HPX: variants seen among roughly 807,000 people sequenced by gnomAD.
HPX encodes beta-1B-glycoprotein.
Under a neutral mutation model 53.8 loss-of-function variants are expected in HPX, and 42 were observed. The observed-to-expected ratio is 0.78, with a 90% CI of 0.61 to 1.01. HPX has a LOEUF of 1.01. Among genes scored for constraint, HPX ranks in the 50% least tolerant of loss-of-function variants. The pLI, the probability that HPX is intolerant of heterozygous loss-of-function variation, is 0.00. For synonymous variants in HPX, 229 were observed against 221.1 expected (o/e 1.04, Z -0.32); for missense variants, 547 against 594.3 (o/e 0.92, Z 0.83).
chr11:6,439,798 G>T, intron 4 of HPX: 1 of 329,772 alleles, frequency 3.0e-6, no homozygotes, highest in Non-Finnish European at 6.0e-6. Context: ...TGCTCCACAT[G>T]CTCTTCTAGC....
In HPX at chr11:6,431,739, C is replaced by T. The variant is rs142045379; in HGVS notation, c.1031G>A (p.Arg344Gln). Residue 344 changes from arginine (R) to glutamine (Q), a missense_variant, in exon 9 of 10, where the codon CGG (arginine) becomes CAG (glutamine). Transcript: ENST00000265983. ...AGGGGTCCCGACTTCCTTCTCCAGC[C>T]GCTTCGGATAACCGCTTACTAGGGT... ...GYTLVSGYPK[R>Q]LEKEVGTPHG... 25 of 1,614,094 alleles carry T rather than the reference C, an allele frequency of 1.5e-5. No individual in the cohort carries two copies. The highest frequency in any genetic ancestry group is 1.8e-5 in the Non-Finnish European group (21 of 1,180,056).
rs961680374 is a variant in HPX, at chr11:6,431,094, G to A, written c.*117C>T. 1.2e-5 allele frequency: 17 copies of A among 1,362,924 alleles called. No homozygotes were observed. The African/African-American group carries it at 2.5e-4, about 20-fold the overall frequency. The allele number at this position is 1,362,924 out of a possible 1,614,324, so 84.4% of individuals were successfully genotyped here. ...GTCTTTATTATGAGAAACTGGGGAG[G>A]TGGGGCCAGGCCAGACTCATGTCAG... On this transcript the variant is annotated 3_prime_UTR_variant, in exon 10 of 10. Coordinates refer to ENST00000265983, the MANE Select transcript of HPX (RefSeq NM_000613.3).
chr11:6,439,395 T>C (rs916744255), intron 4 of HPX, among the ~76,000 whole-genome samples: 6 of 152,186 alleles, frequency 3.9e-5, no homozygotes, highest in African/African-American at 9.7e-5. Context: ...GGTTGGTTTG[T>C]AAAGAAGATG....
intron 5 of HPX, chr11:6,437,860 G>A: frequency 3.4e-6 from 2 of 593,588 alleles, no homozygotes; most frequent in Non-Finnish European, 6.0e-6. Flanking sequence ...GGGAGAGTCT[G>A]GGAAAACTTC....
chr11:6,436,967 T>A, intron 7 of HPX, 79 bp downstream of exon 7: 1 of 1,475,990 alleles, frequency 6.8e-7, no homozygotes, highest in Non-Finnish European at 9.4e-7. Context: ...GTGATGACAA[T>A]GGAGAAATGT....
At chr11:6,432,111 G>T in intron 7 of HPX, 94 bp from the exon 8 acceptor site, 1 of 1,422,814 alleles carries the variant, frequency 7.0e-7, no homozygotes, top group East Asian at 2.3e-5. Flanking sequence ...ATGAGAGGGA[G>T]AGAATGCATC....
At chr11:6,432,323 T>C (rs1849361913) in intron 7 of HPX, 8 of 407,688 alleles carry the variant, frequency 2.0e-5, no homozygotes, top group Admixed American at 2.0e-4. Context: ...CAGGTGTCCA[T>C]GTACAGAGAT....
At chr11:6,437,296 G>C (rs1849428620) in intron 6 of HPX, 119 bp from the exon 7 acceptor site, 3 of 1,396,316 alleles carry the variant, frequency 2.1e-6, no homozygotes, top group Non-Finnish European at 3.0e-6. Context: ...AGGGCAATGG[G>C]AAAATCCAGA....
At chr11:6,434,669 G>A (rs1355871154) in intron 7 of HPX, among the ~76,000 whole-genome samples, 5 of 152,150 alleles carry the variant, frequency 3.3e-5, no homozygotes, top group Non-Finnish European at 7.3e-5. Context: ...ATGCTGCTTT[G>A]TGCAATGAAG....
At chr11:6,438,550 GA>G (rs773989780) in intron 4 of HPX, 41 bp from the exon 5 acceptor site, 1 of 1,579,346 alleles carries the variant, frequency 6.3e-7, no homozygotes, top group African/African-American at 1.3e-5. Context: ...TGCATCCCCA[GA>G]TACTGCCACT....
intron 6 of HPX, 52 bp downstream of exon 6, chr11:6,437,388 T>C: frequency 6.6e-7 from 1 of 1,524,220 alleles, no homozygotes; most frequent in East Asian, 2.3e-5. Context: ...ATCCACAAGC[T>C]CAGGGAAAGT....
At position 6,431,724 on chromosome 11, in the gene HPX, A is replaced by T. The variant is rs1849351513; in HGVS notation, c.1046T>A (p.Val349Asp). The change falls in exon 9 of 10, where the codon GTC (valine) becomes GAC (aspartate). Residue 349 changes from valine to aspartate, a missense_variant. Transcript: ENST00000265983. ...SGYPKRLEKE[V>D]GTPHGIILDS... ...CAGGATAATCCCATGAGGGGTCCCG[A>T]CTTCCTTCTCCAGCCGCTTCGGATA... 1 of 1,614,034 alleles carries T rather than the reference A, an allele frequency of 6.2e-7. No individual in the cohort carries two copies. Among genetic ancestry groups the T allele is most frequent in the African/African-American group, 1.3e-5 (1 of 74,902 alleles).
At chr11:6,434,001 G>T (rs951228947) in intron 7 of HPX, among the ~76,000 whole-genome samples, 12 of 152,126 alleles carry the variant, frequency 7.9e-5, no homozygotes, top group Non-Finnish European at 1.8e-4. Context: ...CCACTATCCT[G>T]TCTTATTTTC....
rs534210899 is a variant in HPX, at chr11:6,434,069, G to A, written c.836-2052C>T. 8.6e-5 allele frequency among the ~76,000 whole-genome samples: 13 copies of A among 151,616 alleles called. No homozygotes were observed. The South Asian group carries it at 2.5e-3, about 29-fold the overall frequency. On this transcript the variant is annotated intron_variant, in intron 7 of 9. Coordinates refer to ENST00000265983, the MANE Select transcript of HPX (RefSeq NM_000613.3). Reference sequence around the variant, plus strand: ...TCTTTCTTCCTTTCTCTTTCTTATTGTCCTCTCTCACTTTAGCAGAGCCTG... The same window carrying A: ...TCTTTCTTCCTTTCTCTTTCTTATTATCCTCTCTCACTTTAGCAGAGCCTG...
chr11:6,440,550 G>A lies in HPX; in HGVS notation c.143-12C>T. ...ATCTGAGCAGCGTTCTGGGGTGGAG[G>A]TAGGGAGATGGCAAAGTAAAAAAAA... On this transcript the variant is annotated splice_polypyrimidine_tract_variant and intron_variant, in intron 2 of 9. Coordinates refer to ENST00000265983, the MANE Select transcript of HPX (RefSeq NM_000613.3). 1 of 975,676 alleles carries A rather than the reference G, an allele frequency of 1.0e-6. No homozygotes were observed. 60.4% of individuals were successfully genotyped at this position (975,676 alleles called of 1,614,324 possible).
chr11:6,438,114 T>C (rs1039239950), intron 5 of HPX: 11 of 566,198 alleles, frequency 1.9e-5, no homozygotes, highest in African/African-American at 1.9e-4. Context: ...AGATTTGTCC[T>C]AAGGGTCATG....
At chr11:6,435,990 T>C (rs1050674840) in intron 7 of HPX, among the ~76,000 whole-genome samples, 1 of 152,234 alleles carries the variant, frequency 6.6e-6, no homozygotes, top group Non-Finnish European at 1.5e-5. Context: ...TTTCACTTTG[T>C]CTGTGTGTCC....
At position 6,431,182 on chromosome 11, in the gene HPX, G is replaced by C; in HGVS notation, c.*29C>G. On this transcript the variant is annotated 3_prime_UTR_variant, in exon 10 of 10. Transcript: ENST00000265983. ...TTATTATGAGGAACTAGGAGGTGGGGCCAGGCCAGACTCATGTCAGAAGGC... is the reference window on the plus strand; with the variant it reads ...TTATTATGAGGAACTAGGAGGTGGGCCCAGGCCAGACTCATGTCAGAAGGC... The C allele has an allele frequency of 6.2e-7, 1 of 1,612,856 alleles. No individual in the cohort carries two copies. The highest frequency in any genetic ancestry group is 8.5e-7 in the Non-Finnish European group (1 of 1,179,196).
At position 6,431,218 on chromosome 11, in the gene HPX, G is replaced by C; in HGVS notation, c.1382C>G (p.Thr461Ser). 6.2e-7 allele frequency: 1 copy of C among 1,614,240 alleles called. No individual in the cohort carries two copies. ...PQNVTSLLGC[T>S]H ...CTCATGTCAGAAGGCCCCTCAGTGA[G>C]TGCAGCCCAGGAGACTGGTCACATT... The change falls in exon 10 of 10, where the codon ACT becomes AGT. Residue 461 changes from threonine to serine, a missense_variant. By Grantham distance (58) the Thr-to-Ser change is moderately conservative (BLOSUM62 1). Transcript: ENST00000265983.
Sources: gnomAD v4.1 joint callset for allele counts (sites outside exome capture counted in the v4.1 genomes callset) on GRCh38, gnomAD v4.1.1 for gene constraint, MANE v1.5 for transcripts, NCBI Gene and HGNC (gene_info 2026-07-23, HGNC 2026-07-21) for gene names.